Variants in NRXN3 observed in about 807,000 individuals in gnomAD.
The protein encoded by NRXN3 is neurexin 3.
NRXN3 carries 32 observed loss-of-function variants against 137.6 expected under a neutral mutation model. The ratio of observed to expected loss-of-function variants is 0.23; its 90% CI spans 0.18 to 0.31. NRXN3 has a LOEUF of 0.31. Among genes scored for constraint, NRXN3 ranks in the 10% least tolerant of loss-of-function variants. The pLI, the probability that NRXN3 is intolerant of heterozygous loss-of-function variation, is 1.00. For synonymous variants in NRXN3, 798 were observed against 784.5 expected, an observed-to-expected ratio of 1.02 and a Z score of -0.29; for missense variants, 1,574 against 2,062.5, an observed-to-expected ratio of 0.76 and a Z score of 4.59.
chr14:79,801,113 G>T (rs2099178333), intron 19 of NRXN3, among the ~76,000 whole-genome samples: 1 of 152,178 alleles, frequency 6.6e-6, no homozygotes, highest in Admixed American at 6.5e-5. Context: ...TGAGATGTTT[G>T]TAACTGCTTT....
intron 4 of NRXN3, among the ~76,000 whole-genome samples, chr14:78,419,961 G>GCGCGCGCACACACACA (rs1555518606): frequency 5.1e-4 from 25 of 49,148 alleles, no homozygotes; most frequent in African/African-American, 1.0e-3. Flanking sequence ...GCGCGCGCAC[G>GCGCGCGCACACACACA]CACACACACA....
chr14:79,509,168 T>G (rs2096908111), intron 16 of NRXN3, among the ~76,000 whole-genome samples: 2 of 152,102 alleles, frequency 1.3e-5, no homozygotes, highest in African/African-American at 4.8e-5. Context: ...CACTCAAGTC[T>G]GGGTGACAGA....
rs183650863 is a variant in NRXN3 at position 78,907,500 on chromosome 14, A to G, written c.2276-49742A>G. Among the ~76,000 whole-genome samples, 59 of 152,152 alleles carry G rather than the reference A, an allele frequency of 3.9e-4. No individual in the cohort carries two copies. The East Asian group carries it at 5.6e-3, about 15-fold the overall frequency. On this transcript the variant is annotated intron_variant, in intron 10 of 20. Transcript: ENST00000335750. The stretch of plus-strand genomic sequence containing the variant: ...TGGATTTTTGTAGGAACACTTTCCA[A>G]CTTGTATGCATGTTTCCCATTCCAC...
intron 4 of NRXN3, among the ~76,000 whole-genome samples, chr14:78,335,154 T>G (rs976351891): frequency 6.6e-6 from 1 of 152,190 alleles, no homozygotes; most frequent in Non-Finnish European, 1.5e-5. Flanking sequence ...CCCTTTTGAG[T>G]TTCAGAAAAC....
At chr14:78,190,356 C>T (rs1377414675) in intron 1 of NRXN3, among the ~76,000 whole-genome samples, 1 of 152,184 alleles carries the variant, frequency 6.6e-6, no homozygotes, top group African/African-American at 2.4e-5. Flanking sequence ...ATTCAGAAAA[C>T]AGAGAAATTC....
chr14:78,550,030 CTT>C (rs3032366), intron 4 of NRXN3, among the ~76,000 whole-genome samples: 36,531 of 117,160 alleles, frequency 0.31, 4,723 homozygotes, highest in Non-Finnish European at 0.36. Flanking sequence ...ATTCTGCAAA[CTT>C]TTTTTTTTTT....
intron 20 of NRXN3, among the ~76,000 whole-genome samples, chr14:79,806,746 C>A (rs973094271): frequency 2.0e-5 from 3 of 149,102 alleles, no homozygotes; most frequent in Non-Finnish European, 4.4e-5. Flanking sequence ...AATTAGCTGT[C>A]AGAGAATAGA....
intron 4 of NRXN3, among the ~76,000 whole-genome samples, chr14:78,396,436 C>T (rs1216867223): frequency 6.6e-6 from 1 of 152,094 alleles, no homozygotes; most frequent in African/African-American, 2.4e-5. Context: ...GTTGTTCTTC[C>T]TGATGTTTTG....
chr14:78,665,041 G>T (rs1174432033), intron 6 of NRXN3, among the ~76,000 whole-genome samples: 2 of 152,164 alleles, frequency 1.3e-5, no homozygotes, highest in African/African-American at 4.8e-5. Context: ...TTCAAAGAGT[G>T]GGAGTGTGTG....
chr14:78,239,398 T>C (rs548248328), intron 1 of NRXN3, among the ~76,000 whole-genome samples: 4 of 152,334 alleles, frequency 2.6e-5, no homozygotes, highest in African/African-American at 9.6e-5. Flanking sequence ...CAATAAACAG[T>C]TGAATTGAAG....
intron 8 of NRXN3, among the ~76,000 whole-genome samples, chr14:78,767,781 G>C (rs1798926846): frequency 6.6e-6 from 1 of 152,108 alleles, no homozygotes; most frequent in South Asian, 2.1e-4. Flanking sequence ...GTGTCAGAAA[G>C]TGTTATAACA....
At chr14:79,136,250 C>T (rs986931854) in intron 15 of NRXN3, among the ~76,000 whole-genome samples, 14 of 152,168 alleles carry the variant, frequency 9.2e-5, no homozygotes, top group African/African-American at 2.4e-4. Context: ...TAGACACATT[C>T]GTTCATGTTC....
chr14:78,306,658 T>A (rs1364051068), intron 4 of NRXN3, among the ~76,000 whole-genome samples: 1 of 152,188 alleles, frequency 6.6e-6, no homozygotes, highest in Admixed American at 6.5e-5. Flanking sequence ...AATAGGCTTA[T>A]ACTGGTGTAT....
chr14:79,607,982 G>A (rs961985799), intron 16 of NRXN3, among the ~76,000 whole-genome samples: 6 of 152,116 alleles, frequency 3.9e-5, no homozygotes, highest in Non-Finnish European at 8.8e-5. Flanking sequence ...GCCATCAAAT[G>A]TTTTTCATAG....
At chr14:78,947,626 C>T (rs2152933761) in intron 10 of NRXN3, among the ~76,000 whole-genome samples, 1 of 152,292 alleles carries the variant, frequency 6.6e-6, no homozygotes, top group East Asian at 1.9e-4. Context: ...CCCAAAAGTC[C>T]TCCATGGTTC....
chr14:78,959,144 T>C (rs1019030404), intron 11 of NRXN3, among the ~76,000 whole-genome samples: 2 of 152,170 alleles, frequency 1.3e-5, no homozygotes, highest in African/African-American at 4.8e-5. Flanking sequence ...TGTACGTGCA[T>C]GTACAGGTGT....
At chr14:78,726,477 G>T (rs2152885397) in intron 8 of NRXN3, among the ~76,000 whole-genome samples, 1 of 136,224 alleles carries the variant, frequency 7.3e-6, no homozygotes, top group African/African-American at 2.7e-5. Context: ...TTTTTTAATT[G>T]TGATAAAATA....
intron 15 of NRXN3, among the ~76,000 whole-genome samples, chr14:79,004,371 G>A (rs1598426261): frequency 6.6e-6 from 1 of 151,958 alleles, no homozygotes; most frequent in African/African-American, 2.4e-5. Context: ...TCAGCCTCCC[G>A]AGTAGCTGGG....
intron 15 of NRXN3, among the ~76,000 whole-genome samples, chr14:79,422,751 A>G (rs957473382): frequency 9.5e-5 from 14 of 148,006 alleles, no homozygotes; most frequent in South Asian, 6.5e-4. Context: ...CCAGGCTGGA[A>G]TGCAGTGGCA....
Sources: allele counts gnomAD v4.1 joint callset (sites outside exome capture counted in the v4.1 genomes callset), GRCh38; gene constraint gnomAD v4.1.1; transcripts MANE v1.5; gene names NCBI Gene and HGNC (gene_info 2026-07-23, HGNC 2026-07-21).